CALCR: variants seen among roughly 807,000 people sequenced by gnomAD.
CALCR encodes calcitonin receptor.
CALCR carries 47 observed loss-of-function variants against 59.5 expected under a neutral mutation model. The ratio of observed to expected loss-of-function variants is 0.79; its 90% CI spans 0.63 to 1.01. CALCR has a LOEUF of 1.01. CALCR is among the 50% of genes least tolerant of loss of function. CALCR has a pLI of 0.00. For missense variants in CALCR, 566 were observed against 597.1 expected (o/e 0.95, Z 0.54); for synonymous variants, 213 against 211.3 (o/e 1.01, Z -0.07).
At chr7:93,433,792 T>A (rs1050427590) in intron 13 of CALCR, among the ~76,000 whole-genome samples, 3 of 152,186 alleles carry the variant, frequency 2.0e-5, no homozygotes, top group Non-Finnish European at 4.4e-5. Context: ...TATTTGAGAA[T>A]CCTTTTTGAA....
At chr7:93,550,847 A>T (rs918329207) in intron 2 of CALCR, among the ~76,000 whole-genome samples, 1 of 152,184 alleles carries the variant, frequency 6.6e-6, no homozygotes, top group Admixed American at 6.6e-5. Context: ...CACCTGTGAT[A>T]CCAGCTCCTA....
chr7:93,534,953 C>T (rs1788948308), intron 2 of CALCR, among the ~76,000 whole-genome samples: 1 of 151,718 alleles, frequency 6.6e-6, no homozygotes, highest in African/African-American at 2.4e-5. Context: ...GAGACTGACT[C>T]TTACCTTCAT....
intron 2 of CALCR, among the ~76,000 whole-genome samples, chr7:93,555,023 T>G (rs1183364895): frequency 6.6e-6 from 1 of 151,900 alleles, no homozygotes; most frequent in Non-Finnish European, 1.5e-5. Flanking sequence ...TCTTAGAATC[T>G]CTGACTCCAG....
intron 2 of CALCR, among the ~76,000 whole-genome samples, chr7:93,558,033 A>G (rs1789651213): frequency 6.6e-6 from 1 of 151,792 alleles, no homozygotes; most frequent in Non-Finnish European, 1.5e-5. Flanking sequence ...CCTTGTCTTT[A>G]TTATAATTGC....
intron 13 of CALCR, among the ~76,000 whole-genome samples, chr7:93,428,568 A>G (rs2115653443): frequency 6.6e-6 from 1 of 152,322 alleles, no homozygotes; most frequent in African/African-American, 2.4e-5. Context: ...TGGGAGGCCG[A>G]GGCGGGCAGA....
intron 2 of CALCR, among the ~76,000 whole-genome samples, chr7:93,537,880 C>T (rs905102202): frequency 3.3e-5 from 5 of 151,898 alleles, no homozygotes; most frequent in Admixed American, 2.6e-4. Flanking sequence ...TCGTTTTAGT[C>T]AGGTCCCAAG....
At chr7:93,552,659 T>C (rs1789491756) in intron 2 of CALCR, among the ~76,000 whole-genome samples, 1 of 152,196 alleles carries the variant, frequency 6.6e-6, no homozygotes, top group African/African-American at 2.4e-5. Context: ...TCTTTTCCCA[T>C]GTTCTCTAGA....
intron 2 of CALCR, among the ~76,000 whole-genome samples, chr7:93,539,721 G>A (rs974677969): frequency 5.9e-5 from 9 of 152,132 alleles, no homozygotes; most frequent in African/African-American, 1.9e-4. Flanking sequence ...TGCTGAATGG[G>A]GAAAGGCAGA....
chr7:93,477,516 A>C (rs1800690888), intron 5 of CALCR, 42 bp downstream of exon 5: 1 of 1,366,638 alleles, frequency 7.3e-7, no homozygotes, highest in Admixed American at 1.7e-5. Flanking sequence ...AAAACTCTAA[A>C]AGCTTCATAG....
chr7:93,568,154 A>G (rs17734766), intron 2 of CALCR, among the ~76,000 whole-genome samples: 10,124 of 152,234 alleles, frequency 0.067, 475 homozygotes, highest in Middle Eastern at 0.14. Context: ...TGGAAACTCT[A>G]AAACAAGGGA....
At chr7:93,564,819 C>T (rs7800440) in intron 2 of CALCR, among the ~76,000 whole-genome samples, 53,078 of 151,474 alleles carry the variant, frequency 0.35, 12,159 homozygotes, top group African/African-American at 0.65. Context: ...AGAAAGCAGG[C>T]GTTGTAGGAA....
In CALCR at chr7:93,436,441, C is replaced by A. The variant is rs35881810; in HGVS notation, c.931-271G>T. On this transcript the variant is annotated intron_variant, in intron 11 of 13. Coordinates refer to ENST00000426151, the MANE Select transcript of CALCR (RefSeq NM_001742.4). ...GTATGAACACTCTTTTTAATATGAGCCTTTCTATGGCGGGGGTGGTGGAGG... is the reference window on the plus strand; with the variant it reads ...GTATGAACACTCTTTTTAATATGAGACTTTCTATGGCGGGGGTGGTGGAGG... Among the ~76,000 whole-genome samples, 9,756 of 152,162 alleles carry A rather than the reference C, an allele frequency of 0.064. 375 individuals are homozygous for A. Among genetic ancestry groups the A allele is most frequent in the Non-Finnish European group, 0.097 (6,626 of 68,008 alleles).
Position 93,434,293 on chromosome 7 carries a change from C to G in CALCR, c.1151G>C (p.Gly384Ala). ...YVMHSLIHFQ[G>A]FFVATIYCFC... ...GCAGTAGATGGTCGCAACAAAGAAG[C>G]CCTAAAAAGGGAAGGAAAAATACAG... Residue 384 changes from glycine (G) to alanine (A), a missense_variant and splice_region_variant, in exon 13 of 14, where the codon GGC becomes GCC. Transcript: ENST00000426151. The G allele has an allele frequency of 6.2e-7, 1 of 1,608,028 alleles. No individual in the cohort carries two copies. The highest frequency in any genetic ancestry group is 1.1e-5 in the South Asian group (1 of 90,940).
In CALCR at chr7:93,439,473, C is replaced by G. The variant is rs181258361; in HGVS notation, c.803-1203G>C. On this transcript the variant is annotated intron_variant, in intron 9 of 13. Coordinates refer to ENST00000426151, the MANE Select transcript of CALCR (RefSeq NM_001742.4). Reference sequence around the variant, plus strand: ...TATGGAAAACTGAATCCCACCTCATCATTTTGTAGAAAGGAAAGTGCTTTC... The same window carrying G: ...TATGGAAAACTGAATCCCACCTCATGATTTTGTAGAAAGGAAAGTGCTTTC... Among the ~76,000 whole-genome samples the G allele has an allele frequency of 5.6e-4, 86 of 152,276 alleles. 1 individual carries two copies. In the East Asian group the frequency reaches 0.015, roughly 27 times the overall value.
intron 3 of CALCR, among the ~76,000 whole-genome samples, chr7:93,484,833 G>C (rs1483612423): frequency 6.6e-6 from 1 of 151,648 alleles, no homozygotes; most frequent in East Asian, 2.0e-4. Flanking sequence ...ATCTTTTTCT[G>C]AGAGCTCACT....
chr7:93,431,181 C>T (rs189906769), intron 13 of CALCR, among the ~76,000 whole-genome samples: 15 of 152,250 alleles, frequency 9.9e-5, no homozygotes, highest in Admixed American at 3.3e-4. Flanking sequence ...CATTTCCCTT[C>T]GTGGTGGGAG....
intron 7 of CALCR, among the ~76,000 whole-genome samples, chr7:93,464,315 A>T (rs545362807): frequency 6.6e-6 from 1 of 152,140 alleles, no homozygotes; most frequent in South Asian, 2.1e-4. Context: ...TTATAGTCAC[A>T]TTCAAAGCAA....
At chr7:93,446,595 G>A (rs1257992361) in intron 8 of CALCR, among the ~76,000 whole-genome samples, 1 of 151,982 alleles carries the variant, frequency 6.6e-6, no homozygotes, top group Non-Finnish European at 1.5e-5. Flanking sequence ...ATAAGATATT[G>A]TCATATAGCC....
chr7:93,454,518 A>T (rs1416852132), intron 8 of CALCR, among the ~76,000 whole-genome samples: 1 of 152,050 alleles, frequency 6.6e-6, no homozygotes, highest in Non-Finnish European at 1.5e-5. Context: ...AAAAAATGAC[A>T]AGTATCCTGC....
Sources: gnomAD v4.1 joint callset for allele counts (sites outside exome capture counted in the v4.1 genomes callset) on GRCh38, gnomAD v4.1.1 for gene constraint, MANE v1.5 for transcripts, NCBI Gene and HGNC (gene_info 2026-07-23, HGNC 2026-07-21) for gene names.